Variants in SLC28A2 observed in about 807,000 individuals in gnomAD.
The protein encoded by SLC28A2 is sodium/nucleoside cotransporter 2.
Under a neutral mutation model 72.9 loss-of-function variants are expected in SLC28A2, and 69 were observed. The ratio of observed to expected loss-of-function variants is 0.95; its 90% CI spans 0.78 to 1.16. The LOEUF (loss-of-function observed/expected upper bound fraction) is 1.16, where lower values mean the gene tolerates loss of function less well. SLC28A2 is among the 50% of genes most tolerant of loss of function. The pLI is 0.00. For synonymous variants in SLC28A2, 296 were observed against 294.1 expected, an observed-to-expected ratio of 1.01 and a Z score of -0.07; for missense variants, 745 against 791.1, an observed-to-expected ratio of 0.94 and a Z score of 0.70.
rs775916762 is a variant in SLC28A2, at chr15:45,267,742, C to T, written c.1145C>T (p.Pro382Leu). 62 of 1,613,916 alleles carry T rather than the reference C, an allele frequency of 3.8e-5. No homozygotes were observed. In the South Asian group the frequency reaches 4.4e-4, roughly 11 times the overall value. ...CTCGCCTCATCAAAGCTAGCGTATC[C>T]GGAAGTGGAGGAGTCCAAGTTCAAG... The part of the protein sequence containing the change: ...CALASSKLAY[P>L]EVEESKFKSE... The change falls in exon 12 of 18, where the codon CCG becomes CTG. Residue 382 changes from proline to leucine, a missense_variant. By Grantham distance (98) the Pro-to-Leu change is moderately conservative. Coordinates refer to ENST00000347644, the MANE Select transcript of SLC28A2 (RefSeq NM_004212.4).
chr15:45,257,374 T>A (rs1036643330), intron 3 of SLC28A2, among the ~76,000 whole-genome samples: 1 of 152,184 alleles, frequency 6.6e-6, no homozygotes, highest in Non-Finnish European at 1.5e-5. Context: ...GTATATTATA[T>A]CCCCTATACT....
At chr15:45,262,941 G>T in intron 4 of SLC28A2, 120 bp from the exon 5 acceptor site, 1 of 735,922 alleles carries the variant, frequency 1.4e-6, no homozygotes, top group South Asian at 1.8e-5. Context: ...AGTAGGGCTG[G>T]GTGGCAAGGT....
intron 17 of SLC28A2, 44 bp downstream of exon 17, chr15:45,272,828 A>C (rs1900626481): frequency 9.9e-7 from 1 of 1,009,872 alleles, no homozygotes; most frequent in Non-Finnish European, 1.6e-6. Flanking sequence ...CACGGCCCTC[A>C]GGTCTCCACG....
rs1375068847 is a variant in SLC28A2, at chr15:45,276,879, C to G, written c.*1366C>G. 2 of 152,098 alleles carry G rather than the reference C, an allele frequency of 1.3e-5. No homozygotes were observed. Among genetic ancestry groups the G allele is most frequent in the Non-Finnish European group, 2.9e-5 (2 of 68,022 alleles). The allele number at this position is 152,098 out of a possible 1,614,324, so 9.4% of individuals were successfully genotyped here. On this transcript the variant is annotated 3_prime_UTR_variant, in exon 18 of 18. Transcript: ENST00000347644. ...CTAAGGAAGACTTCTAAGGAATATC[C>G]ATTTCTTAAAGGCCATTACTTTGTT...
chr15:45,270,113 G>C, intron 14 of SLC28A2, 82 bp from the exon 15 acceptor site: 2 of 929,574 alleles, frequency 2.2e-6, no homozygotes, highest in Non-Finnish European at 3.5e-6. Flanking sequence ...GGGGCTGTCA[G>C]TACTCTGGAA....
chr15:45,259,652 G>T (rs187965775), intron 3 of SLC28A2, among the ~76,000 whole-genome samples: 73 of 152,076 alleles, frequency 4.8e-4, no homozygotes, highest in African/African-American at 1.7e-3. Context: ...ATCTATTATG[G>T]GCCGGGCACT....
At chr15:45,259,929 G>C (rs1900099476) in intron 3 of SLC28A2, among the ~76,000 whole-genome samples, 1 of 152,186 alleles carries the variant, frequency 6.6e-6, no homozygotes, top group African/African-American at 2.4e-5. Context: ...TTTGCAGGAG[G>C]CTTACTCAAC....
Position 45,267,576 on chromosome 15 carries a change from T to A in SLC28A2, c.1064T>A (p.Phe355Tyr). 6.2e-7 allele frequency: 1 copy of A among 1,614,068 alleles called. No individual in the cohort carries two copies. Among genetic ancestry groups the A allele is most frequent in the Non-Finnish European group, 8.5e-7 (1 of 1,180,016 alleles). ...ACTGTGCTGGGAGCCTTCATAGCCT[T>A]TGGGGTAGGCATAGTCTGCTTGATC... ...SGTVLGAFIAFGVDASSLISA... is the reference protein window; with the variant it reads ...SGTVLGAFIAYGVDASSLISA... Residue 355 changes from phenylalanine to tyrosine, a missense_variant, in exon 11 of 18, where the codon TTT becomes TAT. Transcript: ENST00000347644.
At position 45,262,028 on chromosome 15, in the gene SLC28A2, C is replaced by T; in HGVS notation, c.184C>T (p.Pro62Ser). Residue 62 changes from proline to serine, a missense_variant, in exon 4 of 18, where the codon CCT (proline) becomes TCT (serine). Transcript: ENST00000347644. ...PSTYQRRSRWPFSKARSFCKT... is the reference protein window; with the variant it reads ...PSTYQRRSRWSFSKARSFCKT... Reference sequence around the variant, plus strand: ...GGTTCTTATTAGGAGGAGTCGGTGGCCTTTCAGCAAAGCAAGAAGTTTCTG... The same window carrying T: ...GGTTCTTATTAGGAGGAGTCGGTGGTCTTTCAGCAAAGCAAGAAGTTTCTG... 1 of 1,612,224 alleles carries T rather than the reference C, an allele frequency of 6.2e-7. No homozygotes were observed. Among genetic ancestry groups the T allele is most frequent in the Non-Finnish European group, 8.5e-7 (1 of 1,178,412 alleles).
Position 45,268,268 on chromosome 15 carries a change from G to C in SLC28A2, c.1258G>C (p.Ala420Pro). The change falls in exon 13 of 18, where the codon GCT (alanine) becomes CCT (proline). Residue 420 changes from alanine to proline, a missense_variant. Transcript: ENST00000347644. ...SNGAVDAIGL[A>P]TNVAANLIAF... The stretch of plus-strand genomic sequence containing the variant: ...CGGAGCCGTAGATGCCATAGGCCTT[G>C]CTACTAATGTAGCAGCCAACCTGAT... 6.2e-7 allele frequency: 1 copy of C among 1,612,786 alleles called. No individual in the cohort carries two copies. Among genetic ancestry groups the C allele is most frequent in the Non-Finnish European group, 8.5e-7 (1 of 1,178,856 alleles).
At chr15:45,256,498 C>T (rs1372495198) in intron 3 of SLC28A2, among the ~76,000 whole-genome samples, 1 of 152,022 alleles carries the variant, frequency 6.6e-6, no homozygotes, top group Non-Finnish European at 1.5e-5. Context: ...ACCTCCACCT[C>T]CCGGGTTCAA....
chr15:45,253,701 C>T, intron 3 of SLC28A2, 181 bp downstream of exon 3: 1 of 525,390 alleles, frequency 1.9e-6, no homozygotes, highest in African/African-American at 1.9e-5. Flanking sequence ...AGGAGTTCAG[C>T]AGTATCAGTG....
At chr15:45,265,914 G>A in intron 9 of SLC28A2, 167 bp from the exon 10 acceptor site, 1 of 635,010 alleles carries the variant, frequency 1.6e-6, no homozygotes, top group Non-Finnish European at 2.8e-6. Context: ...CGAGTCCTGA[G>A]TTCTGGTCAA....
chr15:45,266,234 T>A, intron 10 of SLC28A2, 73 bp downstream of exon 10: 3 of 1,088,988 alleles, frequency 2.8e-6, no homozygotes, highest in Non-Finnish European at 4.3e-6. Flanking sequence ...AAGAGTATGC[T>A]TTCCTTCTGA....
chr15:45,255,080 C>A (rs957895835), intron 3 of SLC28A2: 4 of 151,780 alleles, frequency 2.6e-5, no homozygotes, highest in African/African-American at 4.8e-5. Context: ...CATAGTGAGA[C>A]CTGCCTCTAC....
Position 45,270,235 on chromosome 15 carries a change from T to C in SLC28A2, c.1607T>C (p.Phe536Ser). 1.9e-6 allele frequency: 3 copies of C among 1,613,952 alleles called. No individual in the cohort carries two copies. Among genetic ancestry groups the C allele is most frequent in the Non-Finnish European group, 2.5e-6 (3 of 1,179,794 alleles). The stretch of plus-strand genomic sequence containing the variant: ...ATTACAACATTTTCACTCTGTGGAT[T>C]TGCCAATCTTAGTTCCATAGGAATC... ...EIITTFSLCG[F>S]ANLSSIGITL... Residue 536 changes from phenylalanine (F) to serine (S), a missense_variant, in exon 15 of 18, where the codon TTT becomes TCT. By Grantham distance (155) the Phe-to-Ser change is radical (BLOSUM62 -2). Coordinates refer to ENST00000347644, the MANE Select transcript of SLC28A2 (RefSeq NM_004212.4).
chr15:45,253,253 C>T lies in SLC28A2; in HGVS notation c.38C>T (p.Ser13Phe), dbSNP rs765575288. 6.8e-6 allele frequency: 11 copies of T among 1,613,678 alleles called. No individual in the cohort carries two copies. Among genetic ancestry groups the T allele is most frequent in the Non-Finnish European group, 9.3e-6 (11 of 1,179,682 alleles). ...AGTGGAAGACAGTCCATTGCTCTGT[C>T]CACAGTGGAGACTGGCACAGTGAAC... ...KASGRQSIAL[S>F]TVETGTVNPG... The change falls in exon 2 of 18, where the codon TCC becomes TTC. Residue 13 changes from serine (S) to phenylalanine (F), a missense_variant. By Grantham distance (155) the Ser-to-Phe change is radical (BLOSUM62 -2). Transcript: ENST00000347644.
intron 17 of SLC28A2, among the ~76,000 whole-genome samples, 153 bp from the exon 18 acceptor site, chr15:45,275,243 A>C (rs1900714813): frequency 1.3e-5 from 2 of 152,228 alleles, no homozygotes; most frequent in South Asian, 4.1e-4. Context: ...TGAATGAGAA[A>C]AGAAACATAA....
rs936804632 is a variant in SLC28A2 at position 45,275,859 on chromosome 15, C to T, written c.*346C>T. The T allele has an allele frequency of 4.5e-5, 7 of 155,750 alleles. No homozygotes were observed. The South Asian group carries it at 5.8e-4, about 13-fold the overall frequency. 9.6% of individuals were successfully genotyped at this position (155,750 alleles called of 1,614,324 possible). Reference sequence around the variant, plus strand: ...CTGAGGCAGGAGAATGGCGTGAATCCGGGAGGCGGAGCTTGCAGCGAGCCA... The same window carrying T: ...CTGAGGCAGGAGAATGGCGTGAATCTGGGAGGCGGAGCTTGCAGCGAGCCA... On this transcript the variant is annotated 3_prime_UTR_variant, in exon 18 of 18. Coordinates refer to ENST00000347644, the MANE Select transcript of SLC28A2 (RefSeq NM_004212.4).
Sources: gnomAD v4.1 joint callset for allele counts (sites outside exome capture counted in the v4.1 genomes callset) on GRCh38, gnomAD v4.1.1 for gene constraint, MANE v1.5 for transcripts, NCBI Gene and HGNC (gene_info 2026-07-23, HGNC 2026-07-21) for gene names.